Variants in TASP1 observed in about 807,000 individuals in gnomAD.
TASP1 encodes taspase 1, also known as threonine aspartase 1.
TASP1 carries 16 observed loss-of-function variants against 56.6 expected under a neutral mutation model. The observed-to-expected ratio is 0.28, with a 90% confidence interval of 0.19 to 0.43. TASP1 has a LOEUF of 0.43. TASP1 is among the 20% of genes least tolerant of loss of function. The probability of loss-of-function intolerance (pLI) is 1.00; values close to 1 mark genes in which losing one functional copy is unlikely to be tolerated. For missense variants in TASP1, 393 were observed against 511.6 expected (o/e 0.77, Z 2.24); for synonymous variants, 179 against 184.2 (o/e 0.97, Z 0.23).
chr20:13,483,009 T>C (rs1226674462), intron 11 of TASP1, among the ~76,000 whole-genome samples: 1 of 152,194 alleles, frequency 6.6e-6, no homozygotes. Context: ...GTCAGTGTCT[T>C]ACAGCTTGGG....
the TASP1 span, among the ~76,000 whole-genome samples, chr20:13,341,078 T>A: frequency 2.6e-5 from 4 of 152,270 alleles, no homozygotes; most frequent in Non-Finnish European, 1.5e-5. Context: ...ACAGGAGCTG[T>A]CAGTTCTAAA....
chr20:13,128,764 C>T, the TASP1 span, among the ~76,000 whole-genome samples: 33 of 151,798 alleles, frequency 2.2e-4, no homozygotes, highest in Non-Finnish European at 3.8e-4. Context: ...GATCTTGGCT[C>T]ACTACAACCT....
the TASP1 span, among the ~76,000 whole-genome samples, chr20:13,288,158 C>A: frequency 1.3e-5 from 2 of 152,224 alleles, no homozygotes; most frequent in South Asian, 4.1e-4. Context: ...AAAATAGATT[C>A]TCCTCTCTCT....
At chr20:13,146,751 C>T in the TASP1 span, among the ~76,000 whole-genome samples, 4 of 152,166 alleles carry the variant, frequency 2.6e-5, no homozygotes, top group African/African-American at 9.7e-5. Flanking sequence ...AGCAGCTGGC[C>T]TTGCTCCTGT....
the TASP1 span, among the ~76,000 whole-genome samples, chr20:13,343,986 C>T: frequency 4.6e-5 from 7 of 152,060 alleles, no homozygotes; most frequent in African/African-American, 1.7e-4. Flanking sequence ...TGTCACTCCC[C>T]ACTGAGGAAT....
the TASP1 span, among the ~76,000 whole-genome samples, chr20:13,144,416 G>C: frequency 6.6e-6 from 1 of 152,198 alleles, no homozygotes; most frequent in South Asian, 2.1e-4. Flanking sequence ...CTGAGAAATA[G>C]ATGTAGTAGC....
At chr20:13,297,346 A>T in the TASP1 span, among the ~76,000 whole-genome samples, 2 of 152,164 alleles carry the variant, frequency 1.3e-5, no homozygotes, top group African/African-American at 4.8e-5. Flanking sequence ...AGTGGGAGTT[A>T]CCAGTTCCTT....
intron 9 of TASP1, among the ~76,000 whole-genome samples, chr20:13,530,045 A>G (rs991474337): frequency 1.3e-5 from 2 of 152,068 alleles, no homozygotes; most frequent in African/African-American, 2.4e-5. Context: ...AAGTCCTCCA[A>G]TTTTTTAAAA....
chr20:13,365,066 T>C, the TASP1 span, among the ~76,000 whole-genome samples: 4 of 152,228 alleles, frequency 2.6e-5, no homozygotes, highest in African/African-American at 4.8e-5. Flanking sequence ...GAAAATTCAA[T>C]TGGACCAAAG....
the TASP1 span, among the ~76,000 whole-genome samples, chr20:13,162,069 T>C: frequency 6.6e-6 from 1 of 152,348 alleles, no homozygotes; most frequent in African/African-American, 2.4e-5. Context: ...AATTGTTTCT[T>C]TTAAATGAAA....
intron 1 of TASP1, among the ~76,000 whole-genome samples, chr20:13,631,226 A>T (rs2049075638): frequency 6.6e-6 from 1 of 152,202 alleles, no homozygotes; most frequent in Non-Finnish European, 1.5e-5. Context: ...AATCATTTAA[A>T]ATCAATTATA....
intron 6 of TASP1, among the ~76,000 whole-genome samples, chr20:13,572,502 G>C (rs1304420590): frequency 6.6e-6 from 1 of 151,942 alleles, no homozygotes; most frequent in Admixed American, 6.6e-5. Flanking sequence ...TGGCCAACAT[G>C]GTGAAACCCT....
At chr20:13,287,302 G>C in the TASP1 span, among the ~76,000 whole-genome samples, 1 of 152,130 alleles carries the variant, frequency 6.6e-6, no homozygotes, top group Non-Finnish European at 1.5e-5. Context: ...TTGTGCAGGG[G>C]AACTCCCATT....
chr20:13,144,535 T>A, the TASP1 span, among the ~76,000 whole-genome samples: 1 of 152,220 alleles, frequency 6.6e-6, no homozygotes, highest in Non-Finnish European at 1.5e-5. Flanking sequence ...CGCACAAATC[T>A]ATTGACTGAG....
At chr20:13,129,273 ATTACAGGCGTGAG>A in the TASP1 span, among the ~76,000 whole-genome samples, 1 of 152,148 alleles carries the variant, frequency 6.6e-6, no homozygotes, top group African/African-American at 2.4e-5. Context: ...AAGTGCTGGG[ATTACAGGCGTGAG>A]CCACTGTGCC....
chr20:13,270,721 A>G, the TASP1 span: 3 of 1,613,888 alleles, frequency 1.9e-6, no homozygotes, highest in East Asian at 6.7e-5. Flanking sequence ...GCTGATATCA[A>G]TGGGCAGAAT....
chr20:13,271,939 C>A, the TASP1 span, among the ~76,000 whole-genome samples: 3 of 152,072 alleles, frequency 2.0e-5, no homozygotes, highest in Non-Finnish European at 1.5e-5. Context: ...CCCCCACATC[C>A]AGCTCATTTT....
intron 10 of TASP1, among the ~76,000 whole-genome samples, chr20:13,491,647 GT>G (rs2043531990): frequency 6.6e-6 from 1 of 152,150 alleles, no homozygotes; most frequent in Admixed American, 6.6e-5. Context: ...GTCAAATTAA[GT>G]TTTAGTTCCA....
At chr20:13,393,495 G>C in intron 13 of TASP1, 1 of 782,110 alleles carries the variant, frequency 1.3e-6, no homozygotes, top group Admixed American at 1.8e-5. Flanking sequence ...GGGCATCCTG[G>C]ACTACACTGA....
Sources: gnomAD v4.1 joint callset for allele counts (sites outside exome capture counted in the v4.1 genomes callset) on GRCh38, gnomAD v4.1.1 for gene constraint, MANE v1.5 for transcripts, NCBI Gene and HGNC (gene_info 2026-07-23, HGNC 2026-07-21) for gene names.